WWOX: variants seen among roughly 807,000 people sequenced by gnomAD.
WWOX encodes the protein WW domain-containing oxidoreductase.
WWOX carries 69 observed loss-of-function variants against 46.2 expected under a neutral mutation model. The ratio of observed to expected loss-of-function variants is 1.49; its 90% confidence interval spans 1.23 to 1.82. The LOEUF (loss-of-function observed/expected upper bound fraction) is 1.82, where lower values mean the gene tolerates loss of function less well. Among genes scored for constraint, WWOX ranks in the 40% most tolerant of loss-of-function variants. The probability of loss-of-function intolerance (pLI) is 0.00; values close to 1 mark genes in which losing one functional copy is unlikely to be tolerated. For missense variants in WWOX, 919 were observed against 542.6 expected (o/e 1.69, Z -6.89); for synonymous variants, 359 against 202.6 (o/e 1.77, Z -6.56).
At chr16:78,485,138 AC>A (rs140505168) in intron 8 of WWOX, among the ~76,000 whole-genome samples, 22,096 of 151,588 alleles carry the variant, frequency 0.15, 1,851 homozygotes, top group African/African-American at 0.24. Context: ...GTTTACATGT[AC>A]TTTAAAAAAA....
intron 8 of WWOX, among the ~76,000 whole-genome samples, chr16:79,086,286 C>T (rs190445203): frequency 6.6e-6 from 1 of 152,220 alleles, no homozygotes; most frequent in Non-Finnish European, 1.5e-5. Flanking sequence ...TTGTTAAGTT[C>T]TAGTTTCTTA....
chr16:78,773,082 T>G (rs573324543), intron 8 of WWOX, among the ~76,000 whole-genome samples: 1 of 152,066 alleles, frequency 6.6e-6, no homozygotes, highest in African/African-American at 2.4e-5. Context: ...CAAAAAGAAA[T>G]TAGGTAACTT....
At position 78,979,758 on chromosome 16, in the gene WWOX, C is replaced by T. The variant is rs537671814; in HGVS notation, c.1057-231850C>T. On this transcript the variant is annotated intron_variant, in intron 8 of 8. Transcript: ENST00000566780. ...CCCAGTGGTCCAGGTTTTTCCTTCTCAGCTTGGAAAGCAGCAGGAAAACTG... is the reference window on the plus strand; with the variant it reads ...CCCAGTGGTCCAGGTTTTTCCTTCTTAGCTTGGAAAGCAGCAGGAAAACTG... 5.3e-5 allele frequency among the ~76,000 whole-genome samples: 8 copies of T among 152,250 alleles called. No homozygotes were observed. In the South Asian group the frequency reaches 1.7e-3, roughly 32 times the overall value.
chr16:78,823,875 A>C (rs537582685), intron 8 of WWOX, among the ~76,000 whole-genome samples: 1 of 151,884 alleles, frequency 6.6e-6, no homozygotes, highest in Non-Finnish European at 1.5e-5. Flanking sequence ...GCCTGGGTTT[A>C]AGTGATCCTG....
At chr16:78,986,232 A>G (rs2046781860) in intron 8 of WWOX, among the ~76,000 whole-genome samples, 1 of 152,232 alleles carries the variant, frequency 6.6e-6, no homozygotes, top group African/African-American at 2.4e-5. Flanking sequence ...ACTGGGGATG[A>G]TAGAAAAACT....
chr16:79,170,074 T>C (rs2083612524), intron 8 of WWOX, among the ~76,000 whole-genome samples: 1 of 152,080 alleles, frequency 6.6e-6, no homozygotes, highest in African/African-American at 2.4e-5. Flanking sequence ...CAAGTTAGGA[T>C]CTCCTAACAT....
intron 8 of WWOX, among the ~76,000 whole-genome samples, chr16:78,654,722 G>A (rs1170948443): frequency 6.6e-6 from 1 of 151,222 alleles, no homozygotes. Context: ...TAAGATTTTG[G>A]GGCCTGTGAA....
chr16:78,428,522 TCTC>T (rs1430873502), intron 7 of WWOX, among the ~76,000 whole-genome samples: 2 of 152,200 alleles, frequency 1.3e-5, no homozygotes, highest in Non-Finnish European at 2.9e-5. Flanking sequence ...AGCTGGTACT[TCTC>T]CATCTTGAAA....
At chr16:79,210,421 A>C (rs1453015037) in intron 8 of WWOX, among the ~76,000 whole-genome samples, 1 of 152,196 alleles carries the variant, frequency 6.6e-6, no homozygotes, top group Non-Finnish European at 1.5e-5. Flanking sequence ...CTGCATGGTC[A>C]CAATGTAAAC....
rs988113803 is a variant in WWOX, at chr16:78,578,584, G to C, written c.1056+145832G>C. On this transcript the variant is annotated intron_variant, in intron 8 of 8. Transcript: ENST00000566780. ...ATTACAGGCGTGAGCCACCGCGGCT[G>C]GCGAAAATTATATATTATACACACA... Among the ~76,000 whole-genome samples, 7 of 151,770 alleles carry C rather than the reference G, an allele frequency of 4.6e-5. No homozygotes were observed. The East Asian group carries it at 1.4e-3, about 29-fold the overall frequency.
intron 4 of WWOX, among the ~76,000 whole-genome samples, chr16:78,133,285 G>C (rs1349118781): frequency 6.6e-6 from 1 of 152,130 alleles, no homozygotes; most frequent in South Asian, 2.1e-4. Context: ...TTGAAAGATG[G>C]AGTCTTGCAC....
intron 8 of WWOX, among the ~76,000 whole-genome samples, chr16:78,684,684 T>C (rs191347014): frequency 2.6e-5 from 4 of 152,284 alleles, no homozygotes; most frequent in East Asian, 1.9e-4. Flanking sequence ...GGACCTGTTA[T>C]CTTCTTCCAG....
chr16:78,735,646 C>A (rs1381549275), intron 8 of WWOX, among the ~76,000 whole-genome samples: 2 of 152,190 alleles, frequency 1.3e-5, no homozygotes, highest in African/African-American at 4.8e-5. Flanking sequence ...AGTTCCTCTC[C>A]CTGCTGCTGG....
chr16:79,047,893 A>T (rs1567513285), intron 8 of WWOX, among the ~76,000 whole-genome samples: 1 of 151,406 alleles, frequency 6.6e-6, no homozygotes, highest in African/African-American at 2.4e-5. Context: ...AGATTCACAG[A>T]CTCTGCATTT....
intron 8 of WWOX, among the ~76,000 whole-genome samples, chr16:78,469,746 A>G (rs904246629): frequency 6.6e-6 from 1 of 152,180 alleles, no homozygotes; most frequent in African/African-American, 2.4e-5. Context: ...TTTTATAGAA[A>G]TGTTACCAGG....
intron 8 of WWOX, chr16:78,899,301 T>C (rs2044770846): frequency 6.6e-6 from 1 of 152,210 alleles, no homozygotes; most frequent in South Asian, 2.1e-4. Flanking sequence ...TTTATATTTT[T>C]CTTATTCTTA....
intron 8 of WWOX, among the ~76,000 whole-genome samples, chr16:78,556,677 A>G (rs1597261196): frequency 1.3e-5 from 2 of 152,074 alleles, no homozygotes; most frequent in East Asian, 3.9e-4. Flanking sequence ...ACTGCTTTGT[A>G]TTTGTTTTCC....
rs575534571 is a variant in WWOX, at chr16:78,444,960, A to G, written c.1056+12208A>G. Among the ~76,000 whole-genome samples the G allele has an allele frequency of 5.3e-5, 8 of 152,292 alleles. No homozygotes were observed. In the East Asian group the frequency reaches 9.6e-4, roughly 18 times the overall value. On this transcript the variant is annotated intron_variant, in intron 8 of 8. Coordinates refer to ENST00000566780, the MANE Select transcript of WWOX (RefSeq NM_016373.4). ...TGGAATGACTGGCCTAGAAAACCCT[A>G]CAGGTACCATTTAAGCTCCATAGTT...
At chr16:78,374,237 C>G (rs780688809) in intron 5 of WWOX, among the ~76,000 whole-genome samples, 11 of 152,248 alleles carry the variant, frequency 7.2e-5, no homozygotes, top group Non-Finnish European at 1.5e-4. Context: ...CCCTGTTAGT[C>G]TTGAAAGTCT....
Sources: gnomAD v4.1 joint callset for allele counts (sites outside exome capture counted in the v4.1 genomes callset) on GRCh38, gnomAD v4.1.1 for gene constraint, MANE v1.5 for transcripts, NCBI Gene and HGNC (gene_info 2026-07-23, HGNC 2026-07-21) for gene names.